CCDC178: variants seen among roughly 807,000 people sequenced by gnomAD.
CCDC178 encodes the protein coiled-coil domain containing 178, also known as coiled-coil domain-containing protein 178.
Under a neutral mutation model 117.4 loss-of-function variants are expected in CCDC178, and 126 were observed. The ratio of observed to expected loss-of-function variants is 1.07; its 90% confidence interval spans 0.93 to 1.24. The LOEUF (loss-of-function observed/expected upper bound fraction) is 1.24, where lower values mean the gene tolerates loss of function less well. Among genes scored for constraint, CCDC178 ranks in the 50% most tolerant of loss-of-function variants. The pLI is 0.00. For synonymous variants in CCDC178, 283 were observed against 313.4 expected, an observed-to-expected ratio of 0.90 and a Z score of 1.02; for missense variants, 1,030 against 986.9, an observed-to-expected ratio of 1.04 and a Z score of -0.59.
At chr18:33,371,575 G>A (rs2063300847) in intron 5 of CCDC178, among the ~76,000 whole-genome samples, 4 of 151,768 alleles carry the variant, frequency 2.6e-5, no homozygotes, top group Admixed American at 2.6e-4. Flanking sequence ...TAAAAGTATG[G>A]CAAAATAAAG....
intron 21 of CCDC178, among the ~76,000 whole-genome samples, chr18:32,980,570 C>CAAAAAAAAA (rs57402084): frequency 1.3e-5 from 1 of 76,318 alleles, no homozygotes; most frequent in Non-Finnish European, 2.2e-5. Flanking sequence ...GACTCCGTCT[C>CAAAAAAAAA]AAAAAAAAAA....
At chr18:32,941,460 G>A (rs920384343) in intron 22 of CCDC178, among the ~76,000 whole-genome samples, 1 of 152,044 alleles carries the variant, frequency 6.6e-6, no homozygotes, top group South Asian at 2.1e-4. Context: ...TTTGGAAAGA[G>A]GAGCCCATTT....
chr18:33,084,972 T>C (rs2057356522), intron 21 of CCDC178, among the ~76,000 whole-genome samples: 1 of 152,154 alleles, frequency 6.6e-6, no homozygotes, highest in African/African-American at 2.4e-5. Context: ...CTTACCATGG[T>C]GCTATTCCTT....
At chr18:33,033,026 G>C (rs568737179) in intron 21 of CCDC178, among the ~76,000 whole-genome samples, 2 of 152,110 alleles carry the variant, frequency 1.3e-5, no homozygotes, top group Admixed American at 1.3e-4. Flanking sequence ...TTTGCTCCCT[G>C]TTACTCTTCA....
chr18:33,209,817 T>C (rs16964426), intron 20 of CCDC178, among the ~76,000 whole-genome samples: 7,090 of 152,118 alleles, frequency 0.047, 240 homozygotes, highest in East Asian at 0.12. Flanking sequence ...ACAAGCACTG[T>C]TGACATAGTT....
chr18:33,321,835 T>A (rs2062514047), intron 11 of CCDC178, among the ~76,000 whole-genome samples: 1 of 152,090 alleles, frequency 6.6e-6, no homozygotes, highest in African/African-American at 2.4e-5. Flanking sequence ...TGAACGCACT[T>A]AATGGTCCAC....
intron 22 of CCDC178, among the ~76,000 whole-genome samples, chr18:32,959,485 C>G (rs1401311332): frequency 2.0e-5 from 3 of 152,074 alleles, no homozygotes; most frequent in African/African-American, 7.2e-5. Context: ...GTCCCTTTCT[C>G]CATTTTCATA....
At position 33,346,232 on chromosome 18, in the gene CCDC178, G is replaced by T. The variant is rs764583802; in HGVS notation, c.637C>A (p.Leu213Ile). The change falls in exon 9 of 23, where the codon CTC becomes ATC. Residue 213 changes from leucine (L) to isoleucine (I), a missense_variant. Transcript: ENST00000383096. ...DSWSVWKLQE[L>I]PLAVQKEHEA... ...TTACCTTTCTGCACAGCCAATGGGA[G>T]TTCTTGAAGTTTCCAGACTGACCAA... is the stretch of plus-strand genomic sequence containing the variant. 6 of 1,612,718 alleles carry T rather than the reference G, an allele frequency of 3.7e-6. No individual in the cohort carries two copies. Among genetic ancestry groups the T allele is most frequent in the Middle Eastern group, 1.6e-4 (1 of 6,084 alleles).
At chr18:33,193,136 G>A (rs1000379272) in intron 20 of CCDC178, among the ~76,000 whole-genome samples, 3 of 150,342 alleles carry the variant, frequency 2.0e-5, no homozygotes, top group Non-Finnish European at 4.4e-5. Context: ...GGTGGCAGGC[G>A]CCTGTAGTCG....
At chr18:33,294,357 TAGG>T (rs1268483208) in intron 11 of CCDC178, among the ~76,000 whole-genome samples, 2 of 152,202 alleles carry the variant, frequency 1.3e-5, no homozygotes, top group Non-Finnish European at 2.9e-5. Flanking sequence ...AATAGTAGAC[TAGG>T]AGATTTATTT....
At chr18:33,106,476 T>G (rs1376950254) in intron 20 of CCDC178, among the ~76,000 whole-genome samples, 2 of 151,662 alleles carry the variant, frequency 1.3e-5, no homozygotes, top group Non-Finnish European at 2.9e-5. Flanking sequence ...GGCACTGAAA[T>G]TTTGAACATT....
At chr18:33,338,605 G>T (rs2062774176) in intron 9 of CCDC178, among the ~76,000 whole-genome samples, 1 of 152,110 alleles carries the variant, frequency 6.6e-6, no homozygotes, top group South Asian at 2.1e-4. Flanking sequence ...AGCAACCTGA[G>T]TGGAATTGCT....
chr18:33,125,694 G>T (rs777829481), intron 20 of CCDC178, among the ~76,000 whole-genome samples: 7 of 152,180 alleles, frequency 4.6e-5, no homozygotes, highest in Non-Finnish European at 1.0e-4. Context: ...TAATCATATA[G>T]TAAAGAGAGC....
rs537974531 is a variant in CCDC178 at position 33,195,127 on chromosome 18, A to AAG, written c.2238+16767_2238+16768dup. 1.5e-3 allele frequency among the ~76,000 whole-genome samples: 211 copies of AAG among 143,174 alleles called. 1 individual carries two copies. The highest frequency in any genetic ancestry group is 4.8e-3 in the African/African-American group (174 of 35,966). 93.9% of individuals were successfully genotyped at this position (143,174 alleles called of 152,430 possible). A position where few individuals can be genotyped will look rare whatever the true frequency, so the allele number is the denominator to read the frequency against. ...GCAAGGCACTGTCTCTTAAAAAAAAAAGAGAGAGAGAGAGAGAGAAGAAAA... is the reference window on the plus strand; with the variant it reads ...GCAAGGCACTGTCTCTTAAAAAAAAAAGAGAGAGAGAGAGAGAGAGAAGAAAA... On this transcript the variant is annotated intron_variant, in intron 20 of 22. Transcript: ENST00000383096.
intron 14 of CCDC178, among the ~76,000 whole-genome samples, chr18:33,248,085 GAAT>G (rs2144699707): frequency 6.6e-6 from 1 of 151,750 alleles, no homozygotes; most frequent in African/African-American, 2.4e-5. Flanking sequence ...TAAAACAGCA[GAAT>G]ATTAAAGATA....
chr18:33,333,158 G>T lies in CCDC178; in HGVS notation c.879+16C>A. 1 of 1,422,640 alleles carries T rather than the reference G, an allele frequency of 7.0e-7. No individual in the cohort carries two copies. The highest frequency in any genetic ancestry group is 9.8e-7 in the Non-Finnish European group (1 of 1,022,674). The allele number at this position is 1,422,640 out of a possible 1,614,324, so 88.1% of individuals were successfully genotyped here. A position where few individuals can be genotyped will look rare whatever the true frequency, so the allele number is the denominator to read the frequency against. On this transcript the variant is annotated intron_variant, in intron 10 of 22. Transcript: ENST00000383096. ...AAGTAATAATTTATGAAATGCTCAT[G>T]CATTCGTTTATTTACCTCCATTTTT...
chr18:33,145,985 C>T (rs1474715707), intron 20 of CCDC178, among the ~76,000 whole-genome samples: 1 of 152,112 alleles, frequency 6.6e-6, no homozygotes, highest in African/African-American at 2.4e-5. Flanking sequence ...AAGTGGGTAA[C>T]GTCTGTTAAA....
chr18:33,364,891 G>A (rs749924051), intron 6 of CCDC178, among the ~76,000 whole-genome samples: 2 of 151,934 alleles, frequency 1.3e-5, no homozygotes, highest in South Asian at 4.1e-4. Flanking sequence ...AACTGAGGGT[G>A]GAGACTATGG....
intron 9 of CCDC178, among the ~76,000 whole-genome samples, chr18:33,338,725 T>C (rs2062775858): frequency 6.6e-6 from 1 of 152,048 alleles, no homozygotes; most frequent in African/African-American, 2.4e-5. Flanking sequence ...GAATGATTTG[T>C]TGGACTTTGG....
Sources: gnomAD v4.1 joint callset for allele counts (sites outside exome capture counted in the v4.1 genomes callset) on GRCh38, gnomAD v4.1.1 for gene constraint, MANE v1.5 for transcripts, NCBI Gene and HGNC (gene_info 2026-07-23, HGNC 2026-07-21) for gene names.